Variants in ST6GALNAC6 observed in about 807,000 individuals in gnomAD.
The protein encoded by ST6GALNAC6 is ST6 N-acetylgalactosaminide alpha-2,6-sialyltransferase 6.
Under a neutral mutation model 34.3 loss-of-function variants are expected in ST6GALNAC6, and 19 were observed. That is an observed-to-expected ratio of 0.55 (90% CI 0.39 to 0.81). The LOEUF (loss-of-function observed/expected upper bound fraction) is 0.81. ST6GALNAC6 is among the 40% of genes least tolerant of loss of function. ST6GALNAC6 has a pLI of 0.00. For missense variants in ST6GALNAC6, 377 were observed against 467.7 expected (o/e 0.81, Z 1.79); for synonymous variants, 185 against 182.1 (o/e 1.02, Z -0.13).
At chr9:127,896,003 C>T (rs990847260) in intron 3 of ST6GALNAC6, among the ~76,000 whole-genome samples, 1 of 152,190 alleles carries the variant, frequency 6.6e-6, no homozygotes, top group South Asian at 2.1e-4. Flanking sequence ...ACAGACAGAC[C>T]GTCAGGCCTG....
rs1386998127 is a variant in ST6GALNAC6, at chr9:127,885,965, G to T, written c.*634C>A. 1 of 152,642 alleles carries T rather than the reference G, an allele frequency of 6.6e-6. No individual in the cohort carries two copies. Among genetic ancestry groups the T allele is most frequent in the African/African-American group, 2.4e-5 (1 of 41,422 alleles). 9.5% of individuals were successfully genotyped at this position (152,642 alleles called of 1,614,324 possible). ...GGGCACTTGTAGGGGAGGTGGAAAGGGTCTCAGACTCCGCACTGGAAACTG... is the reference window on the plus strand; with the variant it reads ...GGGCACTTGTAGGGGAGGTGGAAAGTGTCTCAGACTCCGCACTGGAAACTG... On this transcript the variant is annotated 3_prime_UTR_variant, in exon 7 of 7. Coordinates refer to ENST00000373146, the MANE Select transcript of ST6GALNAC6 (RefSeq NM_013443.5).
intron 6 of ST6GALNAC6, 100 bp from the exon 7 acceptor site, chr9:127,886,888 T>G: frequency 8.2e-7 from 1 of 1,221,160 alleles, no homozygotes; most frequent in Non-Finnish European, 1.1e-6. Context: ...ATAGGAGAAA[T>G]CCCCATGCCT....
upstream of ST6GALNAC6, chr9:127,905,523 G>C: frequency 1.2e-6 from 1 of 801,962 alleles, no homozygotes; most frequent in Non-Finnish European, 1.5e-6. Flanking sequence ...TCCCAGGAGA[G>C]AGTGGAGTTC....
chr9:127,891,678 AAAAGG>A (rs796877495), intron 4 of ST6GALNAC6, among the ~76,000 whole-genome samples: 27 of 149,214 alleles, frequency 1.8e-4, no homozygotes, highest in African/African-American at 6.4e-4. Flanking sequence ...AAGGAAAAGA[AAAAGG>A]AAAGGAAAGG....
upstream of ST6GALNAC6, chr9:127,905,938 T>TCAGGCAGAG: frequency 3.0e-6 from 3 of 985,514 alleles, no homozygotes; most frequent in Non-Finnish European, 3.6e-6. Context: ...CCCTTACCTC[T>TCAGGCAGAG]GCCTGACACC....
Position 127,899,538 on chromosome 9 carries a change from G to A in ST6GALNAC6, c.-65C>T. On this transcript the variant is annotated 5_prime_UTR_variant, in exon 1 of 7. Transcript: ENST00000373146. The stretch of plus-strand genomic sequence containing the variant: ...GAGCGCCCGGCCCCCCGCGGCCCCC[G>A]AGCCCCCTCACATGGCGCCGGGAGC... 4.1e-6 allele frequency: 4 copies of A among 980,768 alleles called. No homozygotes were observed. The highest frequency in any genetic ancestry group is 4.8e-6 in the Non-Finnish European group (4 of 828,066). The allele number at this position is 980,768 out of a possible 1,614,324, so 60.8% of individuals were successfully genotyped here.
intron 2 of ST6GALNAC6, chr9:127,896,772 A>T: frequency 1.3e-6 from 1 of 792,062 alleles, no homozygotes; most frequent in Non-Finnish European, 1.5e-6. Flanking sequence ...CCTCCCTCCT[A>T]TGGCCTCCTG....
rs1312484387 is a variant in ST6GALNAC6, at chr9:127,885,567, A to G, written c.*1032T>C. The stretch of plus-strand genomic sequence containing the variant: ...GATACAGAGCCAGGGGACAGAACCC[A>G]GGTGATACAGCTCCCGACAGCCATC... On this transcript the variant is annotated 3_prime_UTR_variant, in exon 7 of 7. Coordinates refer to ENST00000373146, the MANE Select transcript of ST6GALNAC6 (RefSeq NM_013443.5). 1 of 152,316 alleles carries G rather than the reference A, an allele frequency of 6.6e-6. No homozygotes were observed. The highest frequency in any genetic ancestry group is 2.4e-5 in the African/African-American group (1 of 41,456). The allele number at this position is 152,316 out of a possible 1,614,324, so 9.4% of individuals were successfully genotyped here.
At chr9:127,905,344 C>T (rs772430892), upstream of ST6GALNAC6, 95 of 985,474 alleles carry the variant, frequency 9.6e-5, no homozygotes, top group Non-Finnish European at 1.1e-4. Flanking sequence ...AAGTGACTGA[C>T]GCATCACTCC....
At chr9:127,889,982 A>G (rs112416585) in intron 5 of ST6GALNAC6, among the ~76,000 whole-genome samples, 9 of 152,154 alleles carry the variant, frequency 5.9e-5, no homozygotes, top group African/African-American at 2.2e-4. Flanking sequence ...CCCAGGCTGG[A>G]GTGCAGTGGC....
rs1274678046 is a variant in ST6GALNAC6 at position 127,890,219 on chromosome 9, G to A, written c.704+418C>T. 6.6e-6 allele frequency among the ~76,000 whole-genome samples: 1 copy of A among 152,234 alleles called. No individual in the cohort carries two copies. Among genetic ancestry groups the A allele is most frequent in the Non-Finnish European group, 1.5e-5 (1 of 68,028 alleles). On this transcript the variant is annotated intron_variant, in intron 5 of 6. Transcript: ENST00000373146. The surrounding 1 kb of genome is among the most constrained non-coding windows in gnomAD (Gnocchi z 4.3). Reference sequence around the variant, plus strand: ...GATTAGTCACAGCAGGGCATGCTGGGAGTGATGCATCGCTGGAGCAGAGCA... The same window carrying A: ...GATTAGTCACAGCAGGGCATGCTGGAAGTGATGCATCGCTGGAGCAGAGCA...
chr9:127,886,338 C>T lies in ST6GALNAC6; in HGVS notation c.*261G>A. The stretch of plus-strand genomic sequence containing the variant: ...AGCCTCAGATTGACTCAGAAATACC[C>T]CCTCTACCCTGATTGACTGTGCGCA... On this transcript the variant is annotated 3_prime_UTR_variant, in exon 7 of 7. Coordinates refer to ENST00000373146, the MANE Select transcript of ST6GALNAC6 (RefSeq NM_013443.5). The T allele has an allele frequency of 3.0e-6, 3 of 1,002,094 alleles. No homozygotes were observed. Among genetic ancestry groups the T allele is most frequent in the Non-Finnish European group, 4.1e-6 (3 of 724,914 alleles). 62.1% of individuals were successfully genotyped at this position (1,002,094 alleles called of 1,614,324 possible). A position where few individuals can be genotyped will look rare whatever the true frequency, so the allele number is the denominator to read the frequency against.
chr9:127,900,453 G>A (rs1167841588), upstream of ST6GALNAC6, among the ~76,000 whole-genome samples: 1 of 151,434 alleles, frequency 6.6e-6, no homozygotes, highest in South Asian at 2.1e-4. Context: ...CCAGCTACTC[G>A]GGAGGCTGAG....
intron 1 of ST6GALNAC6, chr9:127,905,130 G>A (rs1215875202): frequency 5.9e-6 from 5 of 843,328 alleles, no homozygotes; most frequent in Non-Finnish European, 7.1e-6. Flanking sequence ...GTATGAACAG[G>A]AAAACAGAGG....
At chr9:127,893,150 T>C (rs888268615) in intron 4 of ST6GALNAC6, among the ~76,000 whole-genome samples, 1 of 152,082 alleles carries the variant, frequency 6.6e-6, no homozygotes, top group African/African-American at 2.4e-5. Context: ...GGGAAACATA[T>C]TCAAGGCAGG....
chr9:127,890,861 A>C lies in ST6GALNAC6; in HGVS notation c.480T>G (p.Ser160Arg). The change falls in exon 5 of 7, where the codon AGT becomes AGG. Residue 160 changes from serine (S) to arginine (R), a missense_variant. Ser to Arg is a moderately radical substitution (Grantham distance 110). Transcript: ENST00000373146. This position sits in a 1 kb window ranked among gnomAD's most constrained non-coding sequence, Gnocchi z 4.3. Reference sequence around the variant, plus strand: ...GGGGCCTCCTCAGCACGCGGAACACACTGGAATGGGCCACGACGCGGTAGG... The same window carrying C: ...GGGGCCTCCTCAGCACGCGGAACACCCTGGAATGGGCCACGACGCGGTAGG... ...KTTYRVVAHS[S>R]VFRVLRRPQE... 6.2e-7 allele frequency: 1 copy of C among 1,614,126 alleles called. No individual in the cohort carries two copies. The highest frequency in any genetic ancestry group is 8.5e-7 in the Non-Finnish European group (1 of 1,179,998).
At chr9:127,901,251 T>TA (rs1426940997), upstream of ST6GALNAC6, among the ~76,000 whole-genome samples, 1 of 152,136 alleles carries the variant, frequency 6.6e-6, no homozygotes, top group Non-Finnish European at 1.5e-5. Context: ...GGATGAATCT[T>TA]AGAGACACAA....
chr9:127,905,813 C>T, upstream of ST6GALNAC6: 2 of 424,550 alleles, frequency 4.7e-6, no homozygotes, highest in Non-Finnish European at 6.3e-6. Flanking sequence ...GGGTACTAAT[C>T]TGCCAAGACC....
upstream of ST6GALNAC6, among the ~76,000 whole-genome samples, chr9:127,901,799 G>A (rs146310557): frequency 7.9e-5 from 12 of 151,996 alleles, no homozygotes; most frequent in East Asian, 1.9e-3. Context: ...CAGGTGTGGT[G>A]GTGCATGCCT....
Sources: gnomAD v4.1 joint callset for allele counts (sites outside exome capture counted in the v4.1 genomes callset) on GRCh38, gnomAD v4.1.1 for gene constraint, Gnocchi (gnomAD v3.1) non-coding constraint, MANE v1.5 for transcripts, NCBI Gene and HGNC (gene_info 2026-07-23, HGNC 2026-07-21) for gene names.